Variants in MTA1 observed in about 807,000 individuals in gnomAD.
The protein encoded by MTA1 is metastasis-associated protein MTA1.
MTA1 carries 15 observed loss-of-function variants against 97.0 expected under a neutral mutation model. That is an observed-to-expected ratio of 0.15 (90% CI 0.10 to 0.24). The LOEUF is 0.24. Ranked by LOEUF, MTA1 falls within the 10% of genes least tolerant of loss-of-function variation. The pLI is 1.00. For missense variants in MTA1, 709 were observed against 1,015.1 expected, an observed-to-expected ratio of 0.70 and a Z score of 4.10; for synonymous variants, 435 against 417.5, an observed-to-expected ratio of 1.04 and a Z score of -0.51.
chr14:105,436,194 G>A (rs142996624), intron 1 of MTA1, among the ~76,000 whole-genome samples: 6 of 152,248 alleles, frequency 3.9e-5, no homozygotes, highest in East Asian at 1.9e-4. Flanking sequence ...ACTTGAACCC[G>A]GGAGGCGGAG....
In MTA1 at chr14:105,469,259, C is replaced by T. The variant is rs75450421; in HGVS notation, c.1814-208C>T. 641 of 634,292 alleles carry T rather than the reference C, an allele frequency of 1.0e-3. 3 individuals carry two copies. The East Asian group carries it at 0.013, about 12-fold the overall frequency. 39.3% of individuals were successfully genotyped at this position (634,292 alleles called of 1,614,324 possible). The stretch of plus-strand genomic sequence containing the variant: ...GGAGCCCAAGCCAATGTGTCTCTTG[C>T]TGGCCAGAGAGCTGTGGGGCCACCA... On this transcript the variant is annotated intron_variant, in intron 18 of 20. Coordinates refer to ENST00000331320, the MANE Select transcript of MTA1 (RefSeq NM_004689.4).
Position 105,445,597 on chromosome 14 carries a change from C to T in MTA1, c.190+86C>T, listed in dbSNP as rs1422283872. 34 of 1,411,576 alleles carry T rather than the reference C, an allele frequency of 2.4e-5. No individual in the cohort carries two copies. In the South Asian group the frequency reaches 3.3e-4, roughly 14 times the overall value. The allele number at this position is 1,411,576 out of a possible 1,614,324, so 87.4% of individuals were successfully genotyped here. A position where few individuals can be genotyped will look rare whatever the true frequency, so the allele number is the denominator to read the frequency against. ...GGGGTCCTTCTTCCCTAGGGCCCAT[C>T]GGCATCCTGGCCTCGTGGGGCCACC... On this transcript the variant is annotated intron_variant, in intron 3 of 20. Coordinates refer to ENST00000331320, the MANE Select transcript of MTA1 (RefSeq NM_004689.4).
At position 105,450,060 on chromosome 14, in the gene MTA1, G is replaced by A; in HGVS notation, c.244G>A (p.Glu82Lys). The A allele has an allele frequency of 6.2e-7, 1 of 1,613,526 alleles. No homozygotes were observed. The highest frequency in any genetic ancestry group is 8.5e-7 in the Non-Finnish European group (1 of 1,179,876). Residue 82 changes from glutamate to lysine, a missense_variant and splice_region_variant, in exon 5 of 21, where the codon GAA (glutamate) becomes AAA (lysine). By Grantham distance (56) the Glu-to-Lys change is moderately conservative. This residue lies in a region of MTA1 where 321 missense variants were observed against 593.5 expected (regional missense o/e 0.54). Coordinates refer to ENST00000331320, the MANE Select transcript of MTA1 (RefSeq NM_004689.4). ...GPGADNGEEG[E>K]IEEEMENPEM... is the part of the protein sequence containing the mutation. ...GACAGGGGCTCCTTGTCCTTCAGGG[G>A]AAATAGAAGAGGAAATGGAGAACCC...
rs1239891129 is a variant in MTA1, at chr14:105,463,095, G to T, written c.943-89G>T. The T allele has an allele frequency of 1.2e-5, 16 of 1,315,748 alleles. No individual in the cohort carries two copies. The African/African-American group carries it at 2.2e-4, about 18-fold the overall frequency. The allele number at this position is 1,315,748 out of a possible 1,614,324, so 81.5% of individuals were successfully genotyped here. A position where few individuals can be genotyped will look rare whatever the true frequency, so the allele number is the denominator to read the frequency against. On this transcript the variant is annotated intron_variant, in intron 10 of 20. Coordinates refer to ENST00000331320, the MANE Select transcript of MTA1 (RefSeq NM_004689.4). This position sits in a 1 kb window ranked among gnomAD's most constrained non-coding sequence, Gnocchi z 5.9. Reference sequence around the variant, plus strand: ...CCCTCTGGCCTCCCGCCCCCTCTGTGGCCTTCTGGCCGCAGCCCTGCCCCT... The same window carrying T: ...CCCTCTGGCCTCCCGCCCCCTCTGTTGCCTTCTGGCCGCAGCCCTGCCCCT...
intron 10 of MTA1, among the ~76,000 whole-genome samples, chr14:105,462,233 T>A (rs1242219375): frequency 3.9e-5 from 4 of 102,012 alleles, no homozygotes; most frequent in Admixed American, 1.1e-4. Context: ...TGGACCAGAC[T>A]GAGGAACTAT....
chr14:105,449,352 T>TA lies in MTA1; in HGVS notation c.191-6dup, dbSNP rs782180277. On this transcript the variant is annotated splice_region_variant and splice_polypyrimidine_tract_variant and intron_variant, in intron 3 of 20. Transcript: ENST00000331320. The stretch of plus-strand genomic sequence containing the variant: ...GTGCTGCCGGGTGCTGTCTGTCTGT[T>TA]ATATAGCCCTGTCAGTCTGCTATAA... 1.9e-4 allele frequency: 303 copies of TA among 1,611,836 alleles called. 1 individual carries two copies. The highest frequency in any genetic ancestry group is 2.4e-4 in the Non-Finnish European group (279 of 1,179,126).
intron 7 of MTA1, among the ~76,000 whole-genome samples, chr14:105,455,895 G>A (rs1282424022): frequency 6.6e-6 from 1 of 151,786 alleles, no homozygotes; most frequent in African/African-American, 2.4e-5. Context: ...CCTGTGGGTC[G>A]GAGCCTGGGG....
At chr14:105,446,685 C>T (rs2141549032) in intron 3 of MTA1, among the ~76,000 whole-genome samples, 1 of 152,330 alleles carries the variant, frequency 6.6e-6, no homozygotes, top group Admixed American at 6.5e-5. Context: ...GTCCCTTAAC[C>T]CCACTGCCTT....
intron 1 of MTA1, among the ~76,000 whole-genome samples, chr14:105,426,243 G>T (rs2082008505): frequency 6.6e-6 from 1 of 152,098 alleles, no homozygotes; most frequent in African/African-American, 2.4e-5. Flanking sequence ...GTCGTCACAG[G>T]GGAGGAAACC....
In MTA1 at chr14:105,438,534, GTT is replaced by G. The variant is rs373634584; in HGVS notation, c.29-136_29-135del. On this transcript the variant is annotated intron_variant, in intron 1 of 20. Transcript: ENST00000331320. Reference sequence around the variant, plus strand: ...ATGGTGTGGGGGCTTCGCTTCCTCTGTTTATTCCTCGCCTGAGGGAGCAGAGG... The same window carrying G: ...ATGGTGTGGGGGCTTCGCTTCCTCTGTATTCCTCGCCTGAGGGAGCAGAGG... The G allele has an allele frequency of 3.2e-4, 246 of 762,412 alleles. 1 individual carries two copies. In the African/African-American group the frequency reaches 3.8e-3, roughly 12 times the overall value. 47.2% of individuals were successfully genotyped at this position (762,412 alleles called of 1,614,324 possible).
intron 2 of MTA1, 27 bp downstream of exon 2, chr14:105,438,766 A>T: frequency 8.5e-6 from 13 of 1,524,948 alleles, no homozygotes; most frequent in South Asian, 1.1e-5. Context: ...GTGTTGCTGC[A>T]GGGGGGTAGT....
chr14:105,431,743 A>G (rs2082183092), intron 1 of MTA1, among the ~76,000 whole-genome samples: 1 of 152,152 alleles, frequency 6.6e-6, no homozygotes, highest in Admixed American at 6.5e-5. Context: ...CTCCTGCTTC[A>G]GCCTCCCAAG....
chr14:105,466,433 C>CCCCCCCCCCCCCCAG lies in MTA1; in HGVS notation c.1636_1637insCCCCCCCCCAGCCCC (p.Pro545_Arg546insProProProGlnPro). 9.7e-7 allele frequency: 1 copy of CCCCCCCCCCCCCCAG among 1,031,924 alleles called. No homozygotes were observed. Among genetic ancestry groups the CCCCCCCCCCCCCCAG allele is most frequent in the Non-Finnish European group, 1.4e-6 (1 of 693,478 alleles). 63.9% of individuals were successfully genotyped at this position (1,031,924 alleles called of 1,614,324 possible). On this transcript the variant is annotated inframe_insertion, in exon 17 of 21. Coordinates refer to ENST00000331320, the MANE Select transcript of MTA1 (RefSeq NM_004689.4). ...CTGTGTCATTCCCGGCAGAGACCCA[C>CCCCCCCCCCCCCCAG]CCCCGCCCCCCCAAGCCTGACCCCG... is the stretch of plus-strand genomic sequence containing the variant.
intron 1 of MTA1, among the ~76,000 whole-genome samples, chr14:105,421,878 G>A (rs1244985887): frequency 1.3e-5 from 2 of 152,206 alleles, no homozygotes; most frequent in Non-Finnish European, 2.9e-5. Context: ...CCGCAGGCCC[G>A]TCCCAGGGCC....
At chr14:105,448,380 G>A (rs767101913) in intron 3 of MTA1, among the ~76,000 whole-genome samples, 10 of 152,168 alleles carry the variant, frequency 6.6e-5, no homozygotes, top group Non-Finnish European at 5.9e-5. Context: ...CTGCTGACCG[G>A]GACGCTGGTG....
intron 6 of MTA1, among the ~76,000 whole-genome samples, chr14:105,453,375 A>G (rs1268550063): frequency 6.6e-6 from 1 of 152,242 alleles, no homozygotes; most frequent in Non-Finnish European, 1.5e-5. Context: ...GTAGCCGGGC[A>G]TAGCACACGC....
chr14:105,429,446 C>T lies in MTA1; in HGVS notation c.29-9226C>T, dbSNP rs1175316179. On this transcript the variant is annotated intron_variant, in intron 1 of 20. Coordinates refer to ENST00000331320, the MANE Select transcript of MTA1 (RefSeq NM_004689.4). ...GACTACAGGCACCCACCACCACACC[C>T]GGCTAATTTTTTTTTTTTTTTTTGA... 2.6e-4 allele frequency among the ~76,000 whole-genome samples: 39 copies of T among 148,708 alleles called. 1 individual carries two copies. The highest frequency in any genetic ancestry group is 7.0e-4 in the African/African-American group (28 of 40,110).
Position 105,469,981 on chromosome 14 carries a change from A to G in MTA1, c.1986A>G (p.Thr662=), listed in dbSNP as rs1189464830. ...DAPDDVFYMA[T]EETRKIRKLL... ...CGGATGACGTGTTCTACATGGCCAC[A>G]GAGGAGACCAGGTGGGGCCTTCCCA... Residue 662 remains threonine (T), a synonymous_variant, in exon 20 of 21, where the codon ACA becomes ACG. Coordinates refer to ENST00000331320, the MANE Select transcript of MTA1 (RefSeq NM_004689.4). 6.2e-7 allele frequency: 1 copy of G among 1,612,524 alleles called. No homozygotes were observed. Among genetic ancestry groups the G allele is most frequent in the Admixed American group, 1.7e-5 (1 of 59,988 alleles).
intron 8 of MTA1, among the ~76,000 whole-genome samples, 197 bp downstream of exon 8, chr14:105,458,569 T>C (rs782750686): frequency 9.9e-5 from 15 of 152,144 alleles, no homozygotes; most frequent in Admixed American, 1.3e-4. Context: ...CTTCATTAAA[T>C]AGAAGGGCGG....
Sources: gnomAD v4.1 joint callset for allele counts (sites outside exome capture counted in the v4.1 genomes callset) on GRCh38, gnomAD v4.1.1 for gene constraint, gnomAD v4.1.1 regional missense constraint, Gnocchi (gnomAD v3.1) non-coding constraint, MANE v1.5 for transcripts, NCBI Gene and HGNC (gene_info 2026-07-23, HGNC 2026-07-21) for gene names.